ARHGEF3: variants seen among roughly 807,000 people sequenced by gnomAD.
The protein encoded by ARHGEF3 is 59.8 kDA protein.
A neutral mutation model predicts 63.2 loss-of-function variants in ARHGEF3; 28 were observed. That is an observed-to-expected ratio of 0.44 (90% CI 0.33 to 0.61). ARHGEF3 has a LOEUF of 0.61. Among genes scored for constraint, ARHGEF3 ranks in the 20% least tolerant of loss-of-function variants. ARHGEF3 has a pLI of 0.03. For missense variants in ARHGEF3, 533 were observed against 659.3 expected (o/e 0.81, Z 2.10); for synonymous variants, 266 against 254.2 (o/e 1.05, Z -0.44).
At chr3:56,857,102 C>A (rs1287891165) in intron 4 of ARHGEF3, among the ~76,000 whole-genome samples, 1 of 152,060 alleles carries the variant, frequency 6.6e-6, no homozygotes, top group South Asian at 2.1e-4. Flanking sequence ...AAAAGCCCTA[C>A]ATATTTGAAA....
intron 2 of ARHGEF3, among the ~76,000 whole-genome samples, chr3:56,966,846 T>TTAAA (rs1410651890): frequency 2.1e-5 from 3 of 144,914 alleles, no homozygotes; most frequent in Non-Finnish European, 3.0e-5. Flanking sequence ...CCTTTTTTTT[T>TTAAA]TTAATTATTA....
At chr3:56,817,784 G>A (rs9878665) in intron 4 of ARHGEF3, among the ~76,000 whole-genome samples, 31 of 152,284 alleles carry the variant, frequency 2.0e-4, no homozygotes, top group African/African-American at 6.0e-4. Context: ...CTGCCAGAAC[G>A]TTGATGGTCT....
intron 3 of ARHGEF3, among the ~76,000 whole-genome samples, chr3:56,894,808 C>T (rs1488522636): frequency 6.6e-6 from 1 of 152,096 alleles, no homozygotes; most frequent in African/African-American, 2.4e-5. Flanking sequence ...CACTGATTTC[C>T]TGGGAAATGG....
At chr3:56,899,085 G>A (rs776450377) in intron 3 of ARHGEF3, among the ~76,000 whole-genome samples, 16 of 152,128 alleles carry the variant, frequency 1.1e-4, no homozygotes, top group East Asian at 1.9e-4. Context: ...AAAACACACC[G>A]CATAATTCTC....
At chr3:56,774,833 A>G (rs1257650147) in intron 1 of ARHGEF3, among the ~76,000 whole-genome samples, 1 of 152,116 alleles carries the variant, frequency 6.6e-6, no homozygotes, top group Admixed American at 6.5e-5. Context: ...TGGAGGTTCC[A>G]GTGAGCCGAG....
intron 1 of ARHGEF3, among the ~76,000 whole-genome samples, chr3:57,037,238 G>A (rs774143849): frequency 3.3e-5 from 5 of 151,916 alleles, no homozygotes; most frequent in African/African-American, 7.3e-5. Context: ...TCAGAGTCCC[G>A]GAGTTGCCAC....
intron 3 of ARHGEF3, among the ~76,000 whole-genome samples, chr3:56,948,146 T>C (rs528617622): frequency 1.3e-5 from 2 of 152,230 alleles, no homozygotes; most frequent in African/African-American, 4.8e-5. Context: ...GAGGGAAATT[T>C]ATAGCACTAA....
chr3:56,746,983 A>C (rs1209177650), intron 6 of ARHGEF3, among the ~76,000 whole-genome samples: 2 of 151,958 alleles, frequency 1.3e-5, no homozygotes, highest in Non-Finnish European at 2.9e-5. Context: ...TTTTTCCCTC[A>C]ACCTTATATT....
chr3:56,898,236 G>A (rs2041376385), intron 3 of ARHGEF3, among the ~76,000 whole-genome samples: 1 of 151,696 alleles, frequency 6.6e-6, no homozygotes, highest in Admixed American at 6.6e-5. Context: ...ATGAGATGGA[G>A]TCCCGCTGTG....
intron 1 of ARHGEF3, chr3:56,775,517 C>T: frequency 8.1e-6 from 8 of 989,862 alleles, no homozygotes; most frequent in Non-Finnish European, 9.6e-6. Context: ...TCTTAGCGTG[C>T]TAAGCTGAAC....
intron 2 of ARHGEF3, among the ~76,000 whole-genome samples, chr3:56,961,564 A>G (rs958001010): frequency 3.9e-5 from 6 of 152,176 alleles, no homozygotes; most frequent in Non-Finnish European, 5.9e-5. Flanking sequence ...CTCATAGCCA[A>G]AGAAAAAGCA....
chr3:56,737,860 A>T (rs539029696), intron 7 of ARHGEF3, among the ~76,000 whole-genome samples: 1 of 152,138 alleles, frequency 6.6e-6, no homozygotes, highest in Non-Finnish European at 1.5e-5. Flanking sequence ...GGTTTGAACA[A>T]ATGGTTTGAA....
intron 1 of ARHGEF3, among the ~76,000 whole-genome samples, chr3:56,801,302 A>G (rs1180190214): frequency 3.3e-5 from 5 of 152,206 alleles, no homozygotes; most frequent in Non-Finnish European, 5.9e-5. Flanking sequence ...CTTAAAGGGT[A>G]GCGACACTGG....
At chr3:56,755,736 T>G (rs546716174) in intron 2 of ARHGEF3, among the ~76,000 whole-genome samples, 1 of 152,270 alleles carries the variant, frequency 6.6e-6, no homozygotes, top group South Asian at 2.1e-4. Context: ...AGTATTCCTT[T>G]GGGATTGTGA....
At chr3:56,978,878 G>A (rs1701220896) in intron 2 of ARHGEF3, among the ~76,000 whole-genome samples, 1 of 152,186 alleles carries the variant, frequency 6.6e-6, no homozygotes, top group Non-Finnish European at 1.5e-5. Context: ...CCTTGAGGCT[G>A]GGTACAGTGG....
chr3:56,844,057 T>C (rs1220903583), intron 4 of ARHGEF3, among the ~76,000 whole-genome samples: 1 of 152,172 alleles, frequency 6.6e-6, no homozygotes, highest in East Asian at 1.9e-4. Flanking sequence ...CAAGATTCTG[T>C]AAGAAAAGGA....
chr3:56,877,500 T>C (rs1019795193), intron 4 of ARHGEF3, among the ~76,000 whole-genome samples: 1 of 151,580 alleles, frequency 6.6e-6, no homozygotes, highest in African/African-American at 2.4e-5. Context: ...GCTTCCCAAG[T>C]AGCGGCGACT....
intron 4 of ARHGEF3, among the ~76,000 whole-genome samples, chr3:56,824,583 G>C (rs981382989): frequency 2.6e-5 from 4 of 152,158 alleles, no homozygotes; most frequent in African/African-American, 9.7e-5. Flanking sequence ...TAAAAGCCTA[G>C]CCTTTGAACC....
At chr3:56,896,937 G>C (rs1188698220) in intron 3 of ARHGEF3, among the ~76,000 whole-genome samples, 1 of 152,144 alleles carries the variant, frequency 6.6e-6, no homozygotes, top group Non-Finnish European at 1.5e-5. Context: ...TTCTCTACTG[G>C]AAAGTTACTA....
Sources: gnomAD v4.1 joint callset for allele counts (sites outside exome capture counted in the v4.1 genomes callset) on GRCh38, gnomAD v4.1.1 for gene constraint, MANE v1.5 for transcripts, NCBI Gene and HGNC (gene_info 2026-07-23, HGNC 2026-07-21) for gene names.